LHPP: variants seen among roughly 807,000 people sequenced by gnomAD.
The protein encoded by LHPP is hLHPP.
A neutral mutation model predicts 30.3 loss-of-function variants in LHPP; 24 were observed. The ratio of observed to expected loss-of-function variants is 0.79; its 90% confidence interval spans 0.57 to 1.11. The LOEUF (loss-of-function observed/expected upper bound fraction) is 1.11, where lower values mean the gene tolerates loss of function less well. LHPP is among the 50% of genes most tolerant of loss of function. LHPP has a pLI of 0.00. For missense variants in LHPP, 356 were observed against 367.2 expected (o/e 0.97, Z 0.25); for synonymous variants, 150 against 157.1 (o/e 0.95, Z 0.34).
chr10:124,517,338 T>C lies in LHPP; in HGVS notation c.716+67T>C. The C allele has an allele frequency of 9.4e-7, 1 of 1,065,746 alleles. No individual in the cohort carries two copies. Among genetic ancestry groups the C allele is most frequent in the Non-Finnish European group, 1.3e-6 (1 of 748,714 alleles). The allele number at this position is 1,065,746 out of a possible 1,614,324, so 66.0% of individuals were successfully genotyped here. A position where few individuals can be genotyped will look rare whatever the true frequency, so the allele number is the denominator to read the frequency against. ...GGATGACCACATTCTCATTCTGTTT[T>C]GTTCTTCAAAATAAAGGGGATATTC... On this transcript the variant is annotated intron_variant, in intron 6 of 6. Coordinates refer to ENST00000368842, the MANE Select transcript of LHPP (RefSeq NM_022126.4). The surrounding 1 kb of genome is among the most constrained non-coding windows in gnomAD (Gnocchi z 4.1).
chr10:124,580,409 G>C (rs1053155887), intron 6 of LHPP, among the ~76,000 whole-genome samples: 1 of 152,142 alleles, frequency 6.6e-6, no homozygotes, highest in East Asian at 1.9e-4. Context: ...TGCACATTCA[G>C]GTTCCAAATC....
At chr10:124,463,607 C>T (rs942697402) in intron 1 of LHPP, among the ~76,000 whole-genome samples, 2 of 152,122 alleles carry the variant, frequency 1.3e-5, no homozygotes, top group Admixed American at 6.5e-5. Context: ...AACTGATCCA[C>T]CTGCCTGGGC....
intron 6 of LHPP, among the ~76,000 whole-genome samples, chr10:124,595,168 C>T (rs1403414967): frequency 4.6e-5 from 7 of 152,208 alleles, no homozygotes; most frequent in Non-Finnish European, 1.0e-4. Flanking sequence ...GGAGTGACTT[C>T]TCCTGCATGG....
At position 124,471,420 on chromosome 10, in the gene LHPP, ATATATATATTTATATAT is replaced by A. The variant is rs1362443113; in HGVS notation, c.125+9452_125+9468del. On this transcript the variant is annotated intron_variant, in intron 1 of 6. Transcript: ENST00000368842. ...TATATAATATATATATTTATATATT[ATATATATATTTATATAT>A]TATATATATTTATATATTTATATAT... is the stretch of plus-strand genomic sequence containing the variant. Among the ~76,000 whole-genome samples the A allele has an allele frequency of 1.3e-3, 25 of 19,718 alleles. 3 individuals are homozygous for A. The East Asian group carries it at 0.038, about 30-fold the overall frequency. The allele number at this position is 19,718 out of a possible 152,430, so 12.9% of individuals were successfully genotyped here.
chr10:124,514,085 G>A (rs1349865537), intron 5 of LHPP, among the ~76,000 whole-genome samples: 2 of 152,212 alleles, frequency 1.3e-5, no homozygotes, highest in Non-Finnish European at 2.9e-5. Flanking sequence ...CTTCTGGAAG[G>A]GTGGGATGAG....
intron 1 of LHPP, among the ~76,000 whole-genome samples, chr10:124,470,382 GC>G (rs34062107): frequency 0.14 from 20,705 of 151,982 alleles, 1,812 homozygotes; most frequent in Non-Finnish European, 0.18. Context: ...ACCCAGGACC[GC>G]CCCGATCGAT....
intron 5 of LHPP, among the ~76,000 whole-genome samples, chr10:124,500,141 G>C (rs1166087375): frequency 6.6e-6 from 1 of 151,942 alleles, no homozygotes; most frequent in East Asian, 1.9e-4. Context: ...TTAAGATTTT[G>C]CCACATTCCT....
At chr10:124,524,479 G>A (rs1954684398) in intron 6 of LHPP, among the ~76,000 whole-genome samples, 2 of 151,914 alleles carry the variant, frequency 1.3e-5, no homozygotes, top group South Asian at 2.1e-4. Flanking sequence ...GTTTCACCAC[G>A]TTGGCCAAAC....
rs1012245705 is a variant in LHPP, at chr10:124,546,600, T to C, written c.716+29329T>C. 1.6e-4 allele frequency among the ~76,000 whole-genome samples: 25 copies of C among 152,184 alleles called. No homozygotes were observed. The East Asian group carries it at 1.9e-3, about 12-fold the overall frequency. Reference sequence around the variant, plus strand: ...TGTATTTTTGTATTTTTAGTAGAGATGGGGTTTCACCATGTTAGCCAGGAT... The same window carrying C: ...TGTATTTTTGTATTTTTAGTAGAGACGGGGTTTCACCATGTTAGCCAGGAT... On this transcript the variant is annotated intron_variant, in intron 6 of 6. Transcript: ENST00000368842.
At chr10:124,525,445 C>T (rs1165133074) in intron 6 of LHPP, among the ~76,000 whole-genome samples, 8 of 152,230 alleles carry the variant, frequency 5.3e-5, no homozygotes, top group Non-Finnish European at 4.4e-5. Flanking sequence ...TGTTGCTCCC[C>T]GCCCCGACCA....
intron 1 of LHPP, among the ~76,000 whole-genome samples, chr10:124,470,193 C>A (rs1005408194): frequency 1.3e-5 from 2 of 152,116 alleles, no homozygotes; most frequent in Admixed American, 1.3e-4. Context: ...AGGCCGGCCT[C>A]GGGGCCCTGG....
At chr10:124,606,714 G>A (rs567570203) in intron 6 of LHPP, among the ~76,000 whole-genome samples, 2 of 151,220 alleles carry the variant, frequency 1.3e-5, no homozygotes, top group African/African-American at 4.8e-5. Flanking sequence ...CTGTCTGGGG[G>A]CCTGGGCTGG....
At chr10:124,462,261 C>G (rs1015691685) in intron 1 of LHPP, among the ~76,000 whole-genome samples, 4 of 152,184 alleles carry the variant, frequency 2.6e-5, no homozygotes, top group African/African-American at 9.7e-5. Flanking sequence ...TGCGGCCAGT[C>G]TGAATTGAGA....
rs112297663 is a variant in LHPP at position 124,506,915 on chromosome 10, G to T, written c.624+8787G>T. On this transcript the variant is annotated intron_variant, in intron 5 of 6. Transcript: ENST00000368842. ...TGGGGGGTAGGGAGGATTTCAGGTT[G>T]GGGGGTAGACAGGATTTCAGGTGGG... is the stretch of plus-strand genomic sequence containing the variant. 9.0e-4 allele frequency among the ~76,000 whole-genome samples: 28 copies of T among 31,200 alleles called. 1 individual carries two copies. In the East Asian group the frequency reaches 9.1e-3, roughly 10 times the overall value. The allele number at this position is 31,200 out of a possible 152,430, so 20.5% of individuals were successfully genotyped here. A position where few individuals can be genotyped will look rare whatever the true frequency, so the allele number is the denominator to read the frequency against.
At chr10:124,503,888 A>G (rs1286055406) in intron 5 of LHPP, among the ~76,000 whole-genome samples, 1 of 152,192 alleles carries the variant, frequency 6.6e-6, no homozygotes, top group Non-Finnish European at 1.5e-5. Flanking sequence ...TTTAAAAATC[A>G]GTATTTAAAA....
rs1236807532 is a variant in LHPP at position 124,526,370 on chromosome 10, A to G, written c.716+9099A>G. The G allele has an allele frequency of 9.7e-6, 3 of 310,840 alleles. No homozygotes were observed. In the East Asian group the frequency reaches 5.1e-4, roughly 53 times the overall value. The allele number at this position is 310,840 out of a possible 1,614,324, so 19.3% of individuals were successfully genotyped here. On this transcript the variant is annotated intron_variant, in intron 6 of 6. Transcript: ENST00000368842. The stretch of plus-strand genomic sequence containing the variant: ...AGCCACCCGCCTTCTTACCCCTACC[A>G]TTTAGATTTGCAAATGGAAGCTCAG...
At chr10:124,465,331 C>T (rs1213364057) in intron 1 of LHPP, among the ~76,000 whole-genome samples, 1 of 151,976 alleles carries the variant, frequency 6.6e-6, no homozygotes, top group Non-Finnish European at 1.5e-5. Context: ...GAGAGGTGTC[C>T]GGACTTTATC....
intron 5 of LHPP, among the ~76,000 whole-genome samples, chr10:124,515,980 C>T (rs769705727): frequency 6.6e-6 from 1 of 152,256 alleles, no homozygotes; most frequent in African/African-American, 2.4e-5. Flanking sequence ...CTCTCTGATT[C>T]CCTGTCCTGT....
intron 6 of LHPP, among the ~76,000 whole-genome samples, chr10:124,584,046 A>G (rs1357268201): frequency 6.6e-6 from 1 of 152,180 alleles, no homozygotes; most frequent in Non-Finnish European, 1.5e-5. Context: ...CAATTTCAAC[A>G]AATAAGTCAG....
Sources: gnomAD v4.1 joint callset for allele counts (sites outside exome capture counted in the v4.1 genomes callset) on GRCh38, gnomAD v4.1.1 for gene constraint, Gnocchi (gnomAD v3.1) non-coding constraint, MANE v1.5 for transcripts, NCBI Gene and HGNC (gene_info 2026-07-23, HGNC 2026-07-21) for gene names.